MYO16: variants seen among roughly 807,000 people sequenced by gnomAD.
MYO16 encodes unconventional myosin-XVI.
A neutral mutation model predicts 205.3 loss-of-function variants in MYO16; 94 were observed. The observed-to-expected ratio is 0.46, with a 90% CI of 0.39 to 0.54. The LOEUF (loss-of-function observed/expected upper bound fraction) is 0.54, where lower values mean the gene tolerates loss of function less well. Among genes scored for constraint, MYO16 ranks in the 20% least tolerant of loss-of-function variants. MYO16 has a pLI of 0.00. For missense variants in MYO16, 2,315 were observed against 2,387.5 expected, an observed-to-expected ratio of 0.97 and a Z score of 0.63; for synonymous variants, 988 against 954.0, an observed-to-expected ratio of 1.04 and a Z score of -0.66.
intron 1 of MYO16, among the ~76,000 whole-genome samples, chr13:108,632,477 T>C (rs1880031467): frequency 6.6e-6 from 1 of 152,156 alleles, no homozygotes; most frequent in East Asian, 1.9e-4. Flanking sequence ...CAATAGCTAA[T>C]GCTCGCAAGG....
intron 27 of MYO16, among the ~76,000 whole-genome samples, chr13:109,072,320 G>T (rs1346566480): frequency 6.6e-6 from 1 of 152,108 alleles, no homozygotes; most frequent in Non-Finnish European, 1.5e-5. Flanking sequence ...TTGGAATAAA[G>T]ATTTGCTCTT....
intron 27 of MYO16, among the ~76,000 whole-genome samples, chr13:109,061,960 C>A (rs998816969): frequency 6.6e-6 from 1 of 152,100 alleles, no homozygotes; most frequent in Non-Finnish European, 1.5e-5. Context: ...CAAAGATTCT[C>A]TTCATTAAAG....
chr13:108,665,784 A>G (rs1468129230), intron 1 of MYO16, 102 bp from the exon 2 acceptor site: 1 of 1,226,214 alleles, frequency 8.2e-7, no homozygotes, highest in African/African-American at 1.5e-5. Flanking sequence ...TGTTGCATTT[A>G]TGACCTGTGC....
At chr13:109,019,664 A>C in intron 22 of MYO16, 47 bp from the exon 23 acceptor site, 1 of 1,451,208 alleles carries the variant, frequency 6.9e-7, no homozygotes, top group Non-Finnish European at 9.5e-7. Context: ...AAAAATATCA[A>C]ACTAAGTAAT....
intron 34 of MYO16, among the ~76,000 whole-genome samples, chr13:109,195,583 A>G (rs951719805): frequency 2.0e-5 from 3 of 152,114 alleles, no homozygotes; most frequent in Non-Finnish European, 1.5e-5. Flanking sequence ...TGTTAGCTCC[A>G]AGTAGAAATG....
chr13:109,010,043 T>A (rs1885539871), intron 22 of MYO16, among the ~76,000 whole-genome samples: 1 of 152,190 alleles, frequency 6.6e-6, no homozygotes, highest in African/African-American at 2.4e-5. Flanking sequence ...AAAACTTGCA[T>A]GGGCCATATT....
At chr13:109,087,371 T>C (rs1888463934) in intron 27 of MYO16, among the ~76,000 whole-genome samples, 1 of 152,200 alleles carries the variant, frequency 6.6e-6, no homozygotes, top group South Asian at 2.1e-4. Context: ...ACCAGCCAGG[T>C]GCAGTGGCTC....
intron 4 of MYO16, among the ~76,000 whole-genome samples, chr13:108,744,439 A>C (rs1884998677): frequency 6.6e-6 from 1 of 152,220 alleles, no homozygotes; most frequent in Non-Finnish European, 1.5e-5. Context: ...TTAAGTTAAA[A>C]AAAGAAAAAA....
At chr13:108,893,810 T>C (rs912189713) in intron 14 of MYO16, among the ~76,000 whole-genome samples, 2 of 152,096 alleles carry the variant, frequency 1.3e-5, no homozygotes, top group Non-Finnish European at 2.9e-5. Context: ...AGAGCCTGGT[T>C]CATTCTAAAG....
rs371186070 is a variant in MYO16 at position 108,700,824 on chromosome 13, G to T, written c.293-11837G>T. On this transcript the variant is annotated intron_variant, in intron 2 of 34. Transcript: ENST00000457511. The stretch of plus-strand genomic sequence containing the variant: ...CGAAAAACTGCAATGTGTTCCTCAG[G>T]AACTAGAAGGCTATGCACATGTTCA... Among the ~76,000 whole-genome samples the T allele has an allele frequency of 2.2e-3, 328 of 152,230 alleles. 11 individuals are homozygous for T. The South Asian group carries it at 0.065, about 30-fold the overall frequency.
intron 27 of MYO16, among the ~76,000 whole-genome samples, chr13:109,099,746 C>T (rs1428599272): frequency 1.3e-5 from 2 of 152,154 alleles, no homozygotes; most frequent in African/African-American, 2.4e-5. Flanking sequence ...TGTGGCTGTC[C>T]ATGAGACATG....
chr13:108,957,569 G>GTTT (rs1883418927), intron 16 of MYO16, 119 bp from the exon 17 acceptor site: 2 of 639,170 alleles, frequency 3.1e-6, no homozygotes, highest in Non-Finnish European at 5.7e-6. Flanking sequence ...AACACGTGGG[G>GTTT]ACACCATGTC....
At chr13:109,072,688 C>T (rs1887962605) in intron 27 of MYO16, among the ~76,000 whole-genome samples, 1 of 151,996 alleles carries the variant, frequency 6.6e-6, no homozygotes, top group African/African-American at 2.4e-5. Context: ...ACTAGACATA[C>T]CAGGGCATTT....
chr13:109,034,041 A>C (rs1566473443), intron 23 of MYO16, among the ~76,000 whole-genome samples: 1 of 152,154 alleles, frequency 6.6e-6, no homozygotes, highest in Non-Finnish European at 1.5e-5. Flanking sequence ...GCACAGATTC[A>C]TTCGAGAGCA....
At chr13:109,117,438 GTATA>G (rs899860370) in intron 28 of MYO16, among the ~76,000 whole-genome samples, 4 of 141,316 alleles carry the variant, frequency 2.8e-5, no homozygotes, top group Admixed American at 7.2e-5. Flanking sequence ...GTATATATAT[GTATA>G]TATATGTATA....
chr13:108,699,120 G>A (rs6492135), intron 2 of MYO16, among the ~76,000 whole-genome samples: 58,468 of 150,276 alleles, frequency 0.39, 12,266 homozygotes, highest in East Asian at 0.79. Flanking sequence ...ATGTGTGTGT[G>A]TATATACACA....
At chr13:108,576,784 C>G in the MYO16 span, among the ~76,000 whole-genome samples, 2,304 of 151,924 alleles carry the variant, frequency 0.015, 46 homozygotes, top group East Asian at 0.061. Context: ...TTTTTTGAGA[C>G]AGGATCTCGC....
intron 27 of MYO16, among the ~76,000 whole-genome samples, chr13:109,071,079 G>A (rs930819214): frequency 6.6e-6 from 1 of 151,954 alleles, no homozygotes; most frequent in Non-Finnish European, 1.5e-5. Flanking sequence ...ACATAAAGAT[G>A]TCCATTTTTA....
chr13:108,741,458 G>GA lies in MYO16; in HGVS notation c.507+13881dup, dbSNP rs539712029. On this transcript the variant is annotated intron_variant, in intron 4 of 34. Coordinates refer to ENST00000457511, the MANE Select transcript of MYO16 (RefSeq NM_001198950.3). ...CCACCTTTAAAAGCTCAAAAATGTG[G>GA]AAAAAATGGCACTACAAAGACCACA... 5.8e-3 allele frequency among the ~76,000 whole-genome samples: 877 copies of GA among 152,060 alleles called. 2 individuals are homozygous for GA. The highest frequency in any genetic ancestry group is 7.2e-3 in the Non-Finnish European group (491 of 67,974).
Sources: allele counts gnomAD v4.1 joint callset (sites outside exome capture counted in the v4.1 genomes callset), GRCh38; gene constraint gnomAD v4.1.1; transcripts MANE v1.5; gene names NCBI Gene and HGNC (gene_info 2026-07-23, HGNC 2026-07-21).